The following DTL variants were observed in gnomAD, a reference collection of about 807,000 sequenced individuals.
DTL encodes the protein denticleless E3 ubiquitin protein ligase adapter.
Under a neutral mutation model 87.0 loss-of-function variants are expected in DTL, and 46 were observed. The observed-to-expected ratio is 0.53, with a 90% confidence interval of 0.42 to 0.68. The LOEUF is 0.68. DTL is among the 30% of genes least tolerant of loss of function. The pLI is 0.00. For missense variants in DTL, 737 were observed against 869.4 expected, an observed-to-expected ratio of 0.85 and a Z score of 1.91; for synonymous variants, 308 against 311.2, an observed-to-expected ratio of 0.99 and a Z score of 0.11.
intron 5 of DTL, among the ~76,000 whole-genome samples, chr1:212,053,985 A>G (rs917613592): frequency 1.3e-5 from 2 of 152,180 alleles, no homozygotes; most frequent in Admixed American, 6.5e-5. Context: ...TGCGAGTGGT[A>G]TGTTGGATTC....
chr1:212,043,828 CAAAA>C (rs35962372), intron 2 of DTL, among the ~76,000 whole-genome samples: 4 of 83,694 alleles, frequency 4.8e-5, no homozygotes, highest in Admixed American at 1.4e-4. Context: ...ACTTCATCTC[CAAAA>C]AAAAAAAAAA....
Position 212,065,045 on chromosome 1 carries a change from T to TA in DTL, c.639+16_639+17insA. The TA allele has an allele frequency of 6.5e-7, 1 of 1,538,826 alleles. No individual in the cohort carries two copies. The highest frequency in any genetic ancestry group is 1.1e-5 in the South Asian group (1 of 89,554). ...TCCTTCTGTGGTAAGGTTTTACAGATGTATACATGTGTGCAGATCTTATCT... is the reference window on the plus strand; with the variant it reads ...TCCTTCTGTGGTAAGGTTTTACAGATAGTATACATGTGTGCAGATCTTATCT... On this transcript the variant is annotated intron_variant, in intron 7 of 14. Coordinates refer to ENST00000366991, the MANE Select transcript of DTL (RefSeq NM_016448.4).
rs768208797 is a variant in DTL, at chr1:212,100,471, C to T, written c.1481C>T (p.Pro494Leu). 1.4e-5 allele frequency: 23 copies of T among 1,613,888 alleles called. No individual in the cohort carries two copies. The highest frequency in any genetic ancestry group is 2.7e-5 in the African/African-American group (2 of 74,828). Residue 494 changes from proline (P) to leucine (L), a missense_variant, in exon 14 of 15, where the codon CCT becomes CTT. Coordinates refer to ENST00000366991, the MANE Select transcript of DTL (RefSeq NM_016448.4). ...GTCTCCTCCGTCTCTCCCAAGCCAC[C>T]TTCATCTTTCAAGATGTCGATTAGA... is the stretch of plus-strand genomic sequence containing the variant. ...GSVSSVSPKP[P>L]SSFKMSIRNW...
intron 13 of DTL, among the ~76,000 whole-genome samples, chr1:212,089,631 CAT>C (rs1291130714): frequency 2.0e-5 from 3 of 152,190 alleles, no homozygotes; most frequent in Non-Finnish European, 4.4e-5. Flanking sequence ...GTTTAAAAAA[CAT>C]ATACACACAC....
intron 5 of DTL, among the ~76,000 whole-genome samples, chr1:212,050,062 T>C (rs1352619477): frequency 1.3e-5 from 2 of 151,994 alleles, no homozygotes; most frequent in African/African-American, 4.8e-5. Context: ...TCCGAGCTAC[T>C]TGGGAGGCTG....
At chr1:212,050,806 A>G (rs1234438923) in intron 5 of DTL, among the ~76,000 whole-genome samples, 2 of 151,962 alleles carry the variant, frequency 1.3e-5, no homozygotes, top group Non-Finnish European at 2.9e-5. Context: ...ATCTCCTTTA[A>G]TTTGGTTTAA....
chr1:212,075,231 T>C (rs1376892457), intron 11 of DTL, among the ~76,000 whole-genome samples: 4 of 152,222 alleles, frequency 2.6e-5, no homozygotes, highest in Non-Finnish European at 5.9e-5. Flanking sequence ...AAAATAACTT[T>C]ATGACATCTG....
In DTL at chr1:212,078,162, G is replaced by C; in HGVS notation, c.1036-11G>C. The C allele has an allele frequency of 6.4e-7, 1 of 1,554,698 alleles. No individual in the cohort carries two copies. The highest frequency in any genetic ancestry group is 1.1e-5 in the South Asian group (1 of 89,322). On this transcript the variant is annotated splice_polypyrimidine_tract_variant and intron_variant, in intron 11 of 14. Transcript: ENST00000366991. ...TTGCTTTGCTGACTTGTTTGTTTTT[G>C]ATTGGACTAGGTCTCCACACCCTGG...
At chr1:212,068,194 T>A (rs748665645) in intron 8 of DTL, 30 bp from the exon 9 acceptor site, 92 of 1,501,246 alleles carry the variant, frequency 6.1e-5, no homozygotes, top group Non-Finnish European at 8.1e-5. Flanking sequence ...GAAGAAGGTC[T>A]ACAAAATATT....
Position 212,100,331 on chromosome 1 carries a change from CG to C in DTL, c.1342del (p.Ala448GlnfsTer58), listed in dbSNP as rs1558093138. On this transcript the variant is annotated frameshift_variant, in exon 14 of 15. Coordinates refer to ENST00000366991, the MANE Select transcript of DTL (RefSeq NM_016448.4). LOFTEE classifies it high-confidence loss of function. The stretch of plus-strand genomic sequence containing the variant: ...ATCCATCCAATTCTTCCCCGTCATC[CG>C]CAGCTTGTGCCCCAAGCTGTGCTGG... ...CNPSNSSPSSAACAPSCAGDL... is the reference protein window; with the variant it reads ...CNPSNSSPSSXACAPSCAGDL... The C allele has an allele frequency of 6.2e-7, 1 of 1,613,374 alleles. No individual in the cohort carries two copies. The highest frequency in any genetic ancestry group is 1.1e-5 in the South Asian group (1 of 90,932).
intron 5 of DTL, among the ~76,000 whole-genome samples, chr1:212,061,405 A>T (rs1474810402): frequency 6.6e-6 from 1 of 152,028 alleles, no homozygotes; most frequent in Non-Finnish European, 1.5e-5. Flanking sequence ...TAAACAAAAC[A>T]TGCTGGCAAG....
rs1655598254 is a variant in DTL at position 212,100,781 on chromosome 1, C to CCTTA, written c.1792_1795dup (p.Ser599ThrfsTer2). 1 of 1,613,994 alleles carries CCTTA rather than the reference C, an allele frequency of 6.2e-7. No individual in the cohort carries two copies. The highest frequency in any genetic ancestry group is 1.3e-5 in the African/African-American group (1 of 74,888). ...GCTGCCTTGCTGGTAACCAGGAAGACCTTAGTAAGGACTCTCTAGGTCCTA... is the reference window on the plus strand; with the variant it reads ...GCTGCCTTGCTGGTAACCAGGAAGACCTTACTTAGTAAGGACTCTCTAGGTCCTA... On this transcript the variant is annotated frameshift_variant, in exon 14 of 15. Coordinates refer to ENST00000366991, the MANE Select transcript of DTL (RefSeq NM_016448.4). LOFTEE classifies it high-confidence loss of function.
chr1:212,075,788 TCA>T (rs1479983272), intron 11 of DTL, among the ~76,000 whole-genome samples: 4 of 152,150 alleles, frequency 2.6e-5, no homozygotes, highest in Admixed American at 6.5e-5. Context: ...ACTATTGTAA[TCA>T]CAGTGTTGTA....
At chr1:212,095,006 T>C (rs1655403031) in intron 13 of DTL, among the ~76,000 whole-genome samples, 1 of 152,184 alleles carries the variant, frequency 6.6e-6, no homozygotes, top group Non-Finnish European at 1.5e-5. Context: ...TTTTTAGGGT[T>C]TTCTAGGTAT....
At chr1:212,052,643 CAAAA>C (rs58890704) in intron 5 of DTL, among the ~76,000 whole-genome samples, 3 of 115,648 alleles carry the variant, frequency 2.6e-5, no homozygotes. Context: ...GACTCTGCCT[CAAAA>C]AAAAAAAAAA....
intron 11 of DTL, among the ~76,000 whole-genome samples, chr1:212,074,932 T>C (rs963345322): frequency 6.6e-6 from 1 of 152,114 alleles, no homozygotes; most frequent in African/African-American, 2.4e-5. Context: ...CTTAAAAAGA[T>C]TTAATATTAT....
At chr1:212,093,704 G>T (rs1655357229) in intron 13 of DTL, among the ~76,000 whole-genome samples, 1 of 152,134 alleles carries the variant, frequency 6.6e-6, no homozygotes, top group Non-Finnish European at 1.5e-5. Flanking sequence ...GTCTTTCTCT[G>T]CCCATGTGTT....
At chr1:212,077,075 T>G (rs190496253) in intron 11 of DTL, among the ~76,000 whole-genome samples, 1 of 152,320 alleles carries the variant, frequency 6.6e-6, no homozygotes. Flanking sequence ...GTTTACTTAG[T>G]CATTCTCACA....
intron 12 of DTL, among the ~76,000 whole-genome samples, chr1:212,078,683 T>C (rs1360289891): frequency 6.6e-6 from 1 of 152,186 alleles, no homozygotes; most frequent in East Asian, 1.9e-4. Context: ...AACAAAATGG[T>C]AACTGTGAAG....
Sources: gnomAD v4.1 joint callset for allele counts (sites outside exome capture counted in the v4.1 genomes callset) on GRCh38, gnomAD v4.1.1 for gene constraint, MANE v1.5 for transcripts, NCBI Gene and HGNC (gene_info 2026-07-23, HGNC 2026-07-21) for gene names.